The following TYR variants were observed in gnomAD, a reference collection of about 807,000 sequenced individuals.
TYR encodes the protein LB24-AB.
In TYR, 58 loss-of-function variants were observed where a neutral mutation model predicts 51.5. The ratio of observed to expected loss-of-function variants is 1.13; its 90% CI spans 0.91 to 1.40. TYR has a LOEUF of 1.40. Ranked by LOEUF, TYR falls within the 40% of genes most tolerant of loss-of-function variation. The probability of loss-of-function intolerance (pLI) is 0.00; values close to 1 mark genes in which losing one functional copy is unlikely to be tolerated. For synonymous variants in TYR, 263 were observed against 235.2 expected, an observed-to-expected ratio of 1.12 and a Z score of -1.08; for missense variants, 732 against 647.4, an observed-to-expected ratio of 1.13 and a Z score of -1.42.
intron 3 of TYR, among the ~76,000 whole-genome samples, chr11:89,254,864 G>A (rs190783355): frequency 1.3e-3 from 190 of 151,606 alleles, no homozygotes; most frequent in African/African-American, 4.4e-3. Context: ...CTGGGTTTGG[G>A]TTTGTTTTGT....
intron 4 of TYR, 34 bp downstream of exon 4, chr11:89,284,988 A>G: frequency 2.5e-6 from 4 of 1,571,410 alleles, no homozygotes; most frequent in Non-Finnish European, 3.5e-6. Context: ...GAATTGCTGA[A>G]TCTAGTGTTA....
chr11:89,216,647 C>CAAA (rs11411684), intron 2 of TYR, among the ~76,000 whole-genome samples: 1,972 of 80,402 alleles, frequency 0.025, 110 homozygotes, highest in African/African-American at 0.085. Flanking sequence ...TTTTCCATCT[C>CAAA]AAAAAAAAAA....
chr11:89,208,406 A>T (rs1943702747), intron 2 of TYR, among the ~76,000 whole-genome samples: 1 of 152,230 alleles, frequency 6.6e-6, no homozygotes, highest in South Asian at 2.1e-4. Flanking sequence ...ACTTACTTTT[A>T]TTTATTGACC....
intron 2 of TYR, among the ~76,000 whole-genome samples, chr11:89,203,780 A>G (rs1301151999): frequency 6.6e-6 from 1 of 152,208 alleles, no homozygotes; most frequent in Non-Finnish European, 1.5e-5. Flanking sequence ...ACAGAAAGAA[A>G]AAAACACCAA....
chr11:89,215,275 A>C (rs915010266), intron 2 of TYR, among the ~76,000 whole-genome samples: 1 of 151,878 alleles, frequency 6.6e-6, no homozygotes. Context: ...GCAAAATATC[A>C]CAAGGACACA....
At chr11:89,237,654 G>A (rs946101671) in intron 3 of TYR, among the ~76,000 whole-genome samples, 1 of 152,014 alleles carries the variant, frequency 6.6e-6, no homozygotes, top group African/African-American at 2.4e-5. Flanking sequence ...TATTACTCAA[G>A]ATTGCTTTGG....
intron 3 of TYR, among the ~76,000 whole-genome samples, chr11:89,275,753 C>T (rs1944646505): frequency 6.6e-6 from 1 of 151,732 alleles, no homozygotes. Flanking sequence ...GGTACAGAAA[C>T]AGTCAGATTG....
chr11:89,197,239 A>G (rs1406352227), intron 2 of TYR, among the ~76,000 whole-genome samples: 1 of 152,134 alleles, frequency 6.6e-6, no homozygotes, highest in Non-Finnish European at 1.5e-5. Context: ...GGAAATAACA[A>G]GAGATGTAAG....
intron 2 of TYR, among the ~76,000 whole-genome samples, chr11:89,202,361 A>G (rs962503519): frequency 7.2e-5 from 11 of 152,024 alleles, no homozygotes; most frequent in African/African-American, 2.7e-4. Flanking sequence ...AAGTTGAGGG[A>G]CAGCATGAAA....
At chr11:89,280,008 T>C (rs1226708437) in intron 3 of TYR, among the ~76,000 whole-genome samples, 1 of 151,702 alleles carries the variant, frequency 6.6e-6, no homozygotes, top group African/African-American at 2.4e-5. Flanking sequence ...TCTATATTTA[T>C]TTTATACAAC....
intron 1 of TYR, among the ~76,000 whole-genome samples, chr11:89,180,952 T>G (rs902553787): frequency 1.3e-5 from 2 of 152,090 alleles, no homozygotes; most frequent in African/African-American, 4.8e-5. Context: ...AAAAAACCAT[T>G]TAAAAAGTAA....
intron 2 of TYR, among the ~76,000 whole-genome samples, chr11:89,210,708 A>G (rs1225768752): frequency 6.6e-6 from 1 of 152,218 alleles, no homozygotes; most frequent in Non-Finnish European, 1.5e-5. Flanking sequence ...TGTTAAAGGC[A>G]GCCAGAGAGA....
chr11:89,228,018 G>T, intron 3 of TYR, 48 bp downstream of exon 3: 1 of 1,599,748 alleles, frequency 6.3e-7, no homozygotes, highest in Non-Finnish European at 8.6e-7. Flanking sequence ...GATTTAAATA[G>T]AGGGTGCCTA....
intron 2 of TYR, among the ~76,000 whole-genome samples, chr11:89,203,325 G>A (rs1356877982): frequency 1.3e-5 from 2 of 152,124 alleles, no homozygotes; most frequent in East Asian, 1.9e-4. Context: ...GCCTTCTTCA[G>A]CCTGCTAAAG....
chr11:89,191,963 C>G (rs1943451540), intron 2 of TYR: 2 of 429,516 alleles, frequency 4.7e-6, no homozygotes, highest in Non-Finnish European at 9.2e-6. Context: ...TGGACTGATA[C>G]TATTTTCCTA....
chr11:89,284,680 T>A, intron 3 of TYR, 93 bp from the exon 4 acceptor site: 1 of 1,143,514 alleles, frequency 8.7e-7, no homozygotes, highest in Non-Finnish European at 1.3e-6. Context: ...TGTCTCCAGA[T>A]TTTAATATAT....
intron 2 of TYR, among the ~76,000 whole-genome samples, chr11:89,207,990 C>T (rs1943693976): frequency 6.6e-6 from 1 of 152,108 alleles, no homozygotes; most frequent in Admixed American, 6.6e-5. Context: ...TTTTTAAGGC[C>T]AGGGGCGGTG....
At chr11:89,226,566 G>GA (rs1943979668) in intron 2 of TYR, among the ~76,000 whole-genome samples, 1 of 151,942 alleles carries the variant, frequency 6.6e-6, no homozygotes, top group Non-Finnish European at 1.5e-5. Flanking sequence ...GTAAAAGGAG[G>GA]AAAAAACATC....
chr11:89,278,529 A>G (rs1370972359), intron 3 of TYR, among the ~76,000 whole-genome samples: 1 of 151,684 alleles, frequency 6.6e-6, no homozygotes, highest in African/African-American at 2.4e-5. Flanking sequence ...GTGGTGGTAG[A>G]TGTGTTACAA....
Sources: allele counts gnomAD v4.1 joint callset (sites outside exome capture counted in the v4.1 genomes callset), GRCh38; gene constraint gnomAD v4.1.1; transcripts MANE v1.5; gene names NCBI Gene and HGNC (gene_info 2026-07-23, HGNC 2026-07-21).